Variants in HMGB1 observed in about 807,000 individuals in gnomAD.
HMGB1 encodes high mobility group protein B1.
For missense variants in HMGB1, 79 were observed against 253.5 expected (o/e 0.31, Z 4.67); for synonymous variants, 81 against 84.0 (o/e 0.96, Z 0.19).
chr13:30,538,731 TTTC>T (rs1868700188), intron 1 of HMGB1, among the ~76,000 whole-genome samples: 1 of 146,368 alleles, frequency 6.8e-6, no homozygotes, highest in Non-Finnish European at 1.5e-5. Context: ...TTTCTTTCTT[TTTC>T]TTTCTTTCTT....
intron 1 of HMGB1, among the ~76,000 whole-genome samples, chr13:30,605,101 G>C (rs1003443779): frequency 6.6e-6 from 1 of 152,218 alleles, no homozygotes. Flanking sequence ...GGAAGAATGT[G>C]GAATAGCAGG....
At chr13:30,509,062 G>A (rs1029310522) in intron 1 of HMGB1, among the ~76,000 whole-genome samples, 7 of 152,080 alleles carry the variant, frequency 4.6e-5, no homozygotes, top group African/African-American at 1.7e-4. Context: ...AGCTGCTGGA[G>A]CAGCTGGAAC....
chr13:30,573,761 C>T (rs1870531772), intron 1 of HMGB1, among the ~76,000 whole-genome samples: 1 of 151,866 alleles, frequency 6.6e-6, no homozygotes, highest in African/African-American at 2.4e-5. Context: ...GGTGATCCTC[C>T]CACCTCGGCC....
intron 1 of HMGB1, among the ~76,000 whole-genome samples, chr13:30,562,980 G>C (rs1009773817): frequency 2.0e-5 from 3 of 152,212 alleles, no homozygotes; most frequent in African/African-American, 7.2e-5. Context: ...CCATGTAAGA[G>C]CCAGGTCTGC....
rs1254016855 is a variant in HMGB1, at chr13:30,559,597, G to A, written c.-15+57074C>T. Among the ~76,000 whole-genome samples, 1 of 152,116 alleles carries A rather than the reference G, an allele frequency of 6.6e-6. No individual in the cohort carries two copies. The highest frequency in any genetic ancestry group is 1.5e-5 in the Non-Finnish European group (1 of 68,028). On this transcript the variant is annotated intron_variant, in intron 1 of 4. Transcript: ENST00000405805. The surrounding 1 kb of genome is among the most constrained non-coding windows in gnomAD (Gnocchi z 6.6). ...GAGATTAAATTTAGATAGCCACATA[G>A]GGAAATCAGTTTTTAAGAAAGCGGA...
At chr13:30,561,974 A>G (rs1171073170) in intron 1 of HMGB1, among the ~76,000 whole-genome samples, 1 of 152,234 alleles carries the variant, frequency 6.6e-6, no homozygotes, top group African/African-American at 2.4e-5. Flanking sequence ...AAAGGACTGC[A>G]TCATCTCCCT....
chr13:30,557,781 C>T (rs1869751550), intron 1 of HMGB1, among the ~76,000 whole-genome samples: 2 of 152,312 alleles, frequency 1.3e-5, no homozygotes, highest in Middle Eastern at 3.4e-3. Context: ...GACTGAATAG[C>T]TCTAGTTCTC....
intron 1 of HMGB1, among the ~76,000 whole-genome samples, chr13:30,561,022 G>A (rs1265508937): frequency 2.0e-5 from 3 of 152,060 alleles, no homozygotes; most frequent in African/African-American, 7.2e-5. Flanking sequence ...AGGATAGCTG[G>A]AGCTAGTGCA....
chr13:30,534,081 C>A (rs111485498), intron 1 of HMGB1, among the ~76,000 whole-genome samples: 15,401 of 152,188 alleles, frequency 0.1, 833 homozygotes, highest in East Asian at 0.17. Context: ...TAAGGCTGGT[C>A]TTGAACTCCC....
intron 1 of HMGB1, among the ~76,000 whole-genome samples, chr13:30,498,783 G>T (rs998107701): frequency 4.0e-5 from 6 of 151,650 alleles, no homozygotes; most frequent in Non-Finnish European, 7.4e-5. Context: ...GAGTAGCTGG[G>T]ACTACAGGCA....
At chr13:30,501,573 TAGA>T (rs1887736968) in intron 1 of HMGB1, among the ~76,000 whole-genome samples, 3 of 151,286 alleles carry the variant, frequency 2.0e-5, no homozygotes. Flanking sequence ...ATGCATTAAA[TAGA>T]AATTAAAAAC....
intron 1 of HMGB1, among the ~76,000 whole-genome samples, chr13:30,575,968 C>T (rs1240831021): frequency 2.0e-5 from 3 of 152,138 alleles, no homozygotes; most frequent in African/African-American, 7.2e-5. Flanking sequence ...GCCATTTCCA[C>T]TGTGAATATG....
intron 1 of HMGB1, among the ~76,000 whole-genome samples, 199 bp downstream of exon 1, chr13:30,465,597 G>A (rs1375346961): frequency 6.6e-6 from 1 of 151,474 alleles, no homozygotes; most frequent in Non-Finnish European, 1.5e-5. Context: ...CTGCCTGAGG[G>A]CCGGGGCACC....
chr13:30,524,563 A>G (rs1888320422), intron 1 of HMGB1, among the ~76,000 whole-genome samples: 4 of 151,992 alleles, frequency 2.6e-5, no homozygotes, highest in Non-Finnish European at 5.9e-5. Flanking sequence ...GGTGCCTGTA[A>G]TCCCAGCTAC....
intron 1 of HMGB1, among the ~76,000 whole-genome samples, chr13:30,563,936 G>C (rs1870070469): frequency 6.6e-6 from 1 of 152,048 alleles, no homozygotes. Context: ...TAATTTACAA[G>C]ACAATAAAAA....
At chr13:30,516,215 T>A (rs190319969) in intron 1 of HMGB1, among the ~76,000 whole-genome samples, 1 of 152,282 alleles carries the variant, frequency 6.6e-6, no homozygotes, top group East Asian at 1.9e-4. Flanking sequence ...CTGAACAAAT[T>A]CCTCCCTCCT....
intron 1 of HMGB1, among the ~76,000 whole-genome samples, chr13:30,577,342 TA>T (rs5802577): frequency 0.46 from 58,682 of 128,112 alleles, 14,442 homozygotes; most frequent in African/African-American, 0.71. Context: ...CCAGTCTCTT[TA>T]AAAAAAAAAA....
chr13:30,604,647 TC>T (rs1950436947), intron 1 of HMGB1, among the ~76,000 whole-genome samples: 2 of 152,162 alleles, frequency 1.3e-5, no homozygotes, highest in East Asian at 3.9e-4. Context: ...GTGCTTAGCT[TC>T]CCAATGTTTT....
chr13:30,459,872 G>A lies in HMGB1; in HGVS notation c.*1485C>T, dbSNP rs1192398554. 6.6e-6 allele frequency: 1 copy of A among 152,538 alleles called. No homozygotes were observed. Among genetic ancestry groups the A allele is most frequent in the Non-Finnish European group, 1.5e-5 (1 of 68,014 alleles). 9.4% of individuals were successfully genotyped at this position (152,538 alleles called of 1,614,324 possible). On this transcript the variant is annotated 3_prime_UTR_variant, in exon 5 of 5. Transcript: ENST00000341423. ...GTATTTAAAACCTCTGCAATTATTA[G>A]TTTATTAGTATCATCCAGGACTCAG...
Sources: gnomAD v4.1 joint callset for allele counts (sites outside exome capture counted in the v4.1 genomes callset) on GRCh38, gnomAD v4.1.1 for gene constraint, Gnocchi (gnomAD v3.1) non-coding constraint, MANE v1.5 for transcripts, NCBI Gene and HGNC (gene_info 2026-07-23, HGNC 2026-07-21) for gene names.